The following MMP26 variants were observed in gnomAD, a reference collection of about 807,000 sequenced individuals.
MMP26 encodes matrix metallopeptidase 26.
Under a neutral mutation model 31.0 loss-of-function variants are expected in MMP26, and 33 were observed. The observed-to-expected ratio is 1.06, with a 90% CI of 0.81 to 1.42. The LOEUF (loss-of-function observed/expected upper bound fraction) is 1.42, where lower values mean the gene tolerates loss of function less well. Ranked by LOEUF, MMP26 falls within the 40% of genes most tolerant of loss-of-function variation. The pLI, the probability that MMP26 is intolerant of heterozygous loss-of-function variation, is 0.00. For synonymous variants in MMP26, 122 were observed against 114.9 expected (o/e 1.06, Z -0.40); for missense variants, 347 against 316.1 (o/e 1.10, Z -0.74).
rs1436600123 is a variant in MMP26, at chr11:4,948,467, A to C, written c.-144-39601A>C. ...AGGTCTGTTATATTACTGATAATTAAGTATATAGCACGCTATCAGGTTTGC... is the reference window on the plus strand; with the variant it reads ...AGGTCTGTTATATTACTGATAATTACGTATATAGCACGCTATCAGGTTTGC... On this transcript the variant is annotated intron_variant, in intron 2 of 7. Transcript: ENST00000380390. 1.6e-5 allele frequency among the ~76,000 whole-genome samples: 2 copies of C among 124,378 alleles called. 1 individual carries two copies. Among genetic ancestry groups the C allele is most frequent in the East Asian group, 4.5e-4 (2 of 4,396 alleles). The allele number at this position is 124,378 out of a possible 152,430, so 81.6% of individuals were successfully genotyped here. A position where few individuals can be genotyped will look rare whatever the true frequency, so the allele number is the denominator to read the frequency against.
intron 2 of MMP26, among the ~76,000 whole-genome samples, chr11:4,911,544 G>T (rs147882893): frequency 1.3e-5 from 2 of 152,020 alleles, no homozygotes; most frequent in African/African-American, 2.4e-5. Context: ...AGCTTACTTC[G>T]CTCCAGTCAC....
chr11:4,862,112 C>T (rs11823220), intron 2 of MMP26, among the ~76,000 whole-genome samples: 1,997 of 152,272 alleles, frequency 0.013, 37 homozygotes, highest in African/African-American at 0.044. Flanking sequence ...GTGAAGCTCT[C>T]CTTTACCTAA....
At chr11:4,869,927 A>G (rs1589924882) in intron 2 of MMP26, among the ~76,000 whole-genome samples, 2 of 152,212 alleles carry the variant, frequency 1.3e-5, no homozygotes, top group African/African-American at 4.8e-5. Flanking sequence ...TTGTAGTGAC[A>G]TGGTTGAAGC....
At chr11:4,782,812 G>T (rs983730659) in intron 2 of MMP26, among the ~76,000 whole-genome samples, 1 of 152,186 alleles carries the variant, frequency 6.6e-6, no homozygotes, top group Admixed American at 6.5e-5. Flanking sequence ...GGCTGAAAGG[G>T]GCCAATGTAG....
intron 1 of MMP26, among the ~76,000 whole-genome samples, chr11:4,765,360 C>T (rs1848615943): frequency 1.3e-5 from 2 of 151,700 alleles, no homozygotes; most frequent in Non-Finnish European, 2.9e-5. Flanking sequence ...TCTACCCAAA[C>T]TTCCTTCCTT....
chr11:4,706,957 G>A (rs1643188740), intron 1 of MMP26, among the ~76,000 whole-genome samples: 1 of 152,122 alleles, frequency 6.6e-6, no homozygotes. Context: ...TATGTCTTGT[G>A]CTTTCTTTAT....
At chr11:4,904,125 T>C (rs920195125) in intron 2 of MMP26, among the ~76,000 whole-genome samples, 3 of 152,134 alleles carry the variant, frequency 2.0e-5, no homozygotes, top group East Asian at 3.9e-4. Context: ...GGAAGTTTTA[T>C]TGAAGTAGTT....
At chr11:4,705,468 T>C (rs1345382800) in intron 1 of MMP26, among the ~76,000 whole-genome samples, 1 of 152,150 alleles carries the variant, frequency 6.6e-6, no homozygotes. Flanking sequence ...AATAATGGTG[T>C]TGTGATAGTA....
intron 2 of MMP26, among the ~76,000 whole-genome samples, chr11:4,984,952 A>T (rs1394720866): frequency 6.6e-6 from 1 of 152,176 alleles, no homozygotes; most frequent in Non-Finnish European, 1.5e-5. Flanking sequence ...TGAGAGACTT[A>T]GAGGATTTTT....
At chr11:4,721,640 A>C (rs1247465992) in intron 1 of MMP26, among the ~76,000 whole-genome samples, 1 of 152,078 alleles carries the variant, frequency 6.6e-6, no homozygotes, top group Non-Finnish European at 1.5e-5. Context: ...ATCTATTTTT[A>C]GGTGATATAT....
chr11:4,764,638 A>G (rs946727012), intron 1 of MMP26, among the ~76,000 whole-genome samples: 44 of 152,344 alleles, frequency 2.9e-4, no homozygotes, highest in African/African-American at 8.4e-4. Flanking sequence ...TGGGAGGCCG[A>G]GGCGGGTGGA....
At chr11:4,729,740 T>G (rs773900536) in intron 1 of MMP26, among the ~76,000 whole-genome samples, 1 of 152,116 alleles carries the variant, frequency 6.6e-6, no homozygotes, top group Non-Finnish European at 1.5e-5. Flanking sequence ...TATATATATA[T>G]ATAACATAAC....
intron 2 of MMP26, among the ~76,000 whole-genome samples, chr11:4,932,275 C>T (rs1851361041): frequency 6.6e-6 from 1 of 152,098 alleles, no homozygotes. Context: ...GTATCAATTG[C>T]CCCATCAAGA....
At chr11:4,762,521 A>G (rs1158801901) in intron 1 of MMP26, among the ~76,000 whole-genome samples, 2 of 152,196 alleles carry the variant, frequency 1.3e-5, no homozygotes, top group Admixed American at 6.5e-5. Flanking sequence ...GATAGTCAAG[A>G]TGAAAGTACT....
At chr11:4,741,112 C>A (rs1489448284) in intron 1 of MMP26, among the ~76,000 whole-genome samples, 2 of 152,068 alleles carry the variant, frequency 1.3e-5, no homozygotes, top group African/African-American at 2.4e-5. Flanking sequence ...GGAAAGGGTC[C>A]AGTTTCAGTT....
chr11:4,847,445 A>C (rs1191780315), intron 2 of MMP26: 2 of 151,894 alleles, frequency 1.3e-5, no homozygotes, highest in African/African-American at 4.8e-5. Flanking sequence ...TTTTTTCTGA[A>C]ATATGCAAAA....
intron 1 of MMP26, chr11:4,736,428 G>T (rs1182999799): frequency 6.6e-6 from 1 of 152,194 alleles, no homozygotes; most frequent in African/African-American, 2.4e-5. Flanking sequence ...GCTTAGGACG[G>T]TCTTAATAAT....
chr11:4,796,595 T>C (rs1849110904), intron 2 of MMP26, among the ~76,000 whole-genome samples: 1 of 152,222 alleles, frequency 6.6e-6, no homozygotes, highest in Admixed American at 6.5e-5. Context: ...AGACTTTTAA[T>C]ATACACATAC....
intron 2 of MMP26, among the ~76,000 whole-genome samples, chr11:4,888,369 A>G (rs1850571738): frequency 6.6e-6 from 1 of 152,132 alleles, no homozygotes; most frequent in Non-Finnish European, 1.5e-5. Flanking sequence ...ATTGTGTTAT[A>G]TTGAATACTA....
Sources: gnomAD v4.1 joint callset for allele counts (sites outside exome capture counted in the v4.1 genomes callset) on GRCh38, gnomAD v4.1.1 for gene constraint, MANE v1.5 for transcripts, NCBI Gene and HGNC (gene_info 2026-07-23, HGNC 2026-07-21) for gene names.